The following PDXDC1 variants were observed in gnomAD, a reference collection of about 807,000 sequenced individuals.
PDXDC1 encodes the protein pyridoxal-dependent decarboxylase domain-containing protein 1.
In PDXDC1, 42 loss-of-function variants were observed where a neutral mutation model predicts 100.1. The observed-to-expected ratio is 0.42, with a 90% CI of 0.33 to 0.54. PDXDC1 has a LOEUF of 0.54. PDXDC1 is among the 20% of genes least tolerant of loss of function. The pLI is 0.10. For synonymous variants in PDXDC1, 260 were observed against 371.7 expected, an observed-to-expected ratio of 0.70 and a Z score of 3.46; for missense variants, 636 against 979.2, an observed-to-expected ratio of 0.65 and a Z score of 4.68.
intron 16 of PDXDC1, chr16:15,071,200 T>G: frequency 6.2e-7 from 1 of 1,611,216 alleles, no homozygotes; most frequent in Non-Finnish European, 8.5e-7. Flanking sequence ...GCAGGATTAC[T>G]TGGGTCCTGC....
At chr16:15,032,650 CT>C in intron 17 of PDXDC1, 25 of 297,232 alleles carry the variant, frequency 8.4e-5, no homozygotes, top group East Asian at 1.7e-4. Flanking sequence ...TGAGACCCTG[CT>C]TTAAAAAAAA....
rs532080519 is a variant in PDXDC1 at position 15,085,722 on chromosome 16, G to A, written c.1400-53157G>A. On this transcript the variant is annotated intron_variant, in intron 16 of 16. Transcript: ENST00000535621. ...GGCTTTTGAGGGAAAAAGAAAATAT[G>A]TTATTCTGTCATTGATCTAGACAAT... The A allele has an allele frequency of 6.5e-5, 104 of 1,612,306 alleles. 2 individuals are homozygous for A. In the South Asian group the frequency reaches 1.0e-3, roughly 16 times the overall value.
intron 16 of PDXDC1, chr16:15,085,759 C>T (rs1203599733): frequency 4.4e-6 from 7 of 1,601,404 alleles, no homozygotes; most frequent in Non-Finnish European, 5.1e-6. Flanking sequence ...AATGGCTATA[C>T]AAAAAAAGTT....
At chr16:15,104,750 C>T (rs2046728408) in intron 16 of PDXDC1, 26 of 1,596,862 alleles carry the variant, frequency 1.6e-5, no homozygotes, top group Non-Finnish European at 2.0e-5. Flanking sequence ...CCGCTGCCGC[C>T]ATTCTGACCT....
Position 15,131,588 on chromosome 16 carries a change from G to A in PDXDC1, c.1400-7291G>A, listed in dbSNP as rs991264683. On this transcript the variant is annotated intron_variant, in intron 16 of 16. Coordinates refer to the PDXDC1 transcript ENST00000535621. ...AGCACGCGGGAGCGCGTGAGGATGC[G>A]CATGAGGGCAGAGGTCAGGTTGTAG... The A allele has an allele frequency of 1.2e-4, 193 of 1,605,070 alleles. 1 individual carries two copies. Among genetic ancestry groups the A allele is most frequent in the Admixed American group, 6.3e-4 (38 of 59,890 alleles).
chr16:15,096,153 G>T, intron 16 of PDXDC1, among the ~76,000 whole-genome samples: 1 of 151,662 alleles, frequency 6.6e-6, no homozygotes, highest in East Asian at 1.9e-4. Context: ...CTGTCACCCA[G>T]GCTGGAGTAC....
At chr16:15,012,272 T>G (rs2041368669) in intron 8 of PDXDC1, among the ~76,000 whole-genome samples, 1 of 151,750 alleles carries the variant, frequency 6.6e-6, no homozygotes, top group African/African-American at 2.4e-5. Context: ...CCTAGCTAGT[T>G]TTTTGTATTT....
chr16:15,015,164 A>G (rs534845332), intron 8 of PDXDC1, among the ~76,000 whole-genome samples: 2 of 152,352 alleles, frequency 1.3e-5, no homozygotes, highest in South Asian at 2.1e-4. Flanking sequence ...GATGGTCTCC[A>G]TCTCCTGACC....
intron 16 of PDXDC1, chr16:15,086,392 G>A: frequency 1.2e-6 from 2 of 1,613,744 alleles, no homozygotes; most frequent in Non-Finnish European, 1.7e-6. Flanking sequence ...GTTGCTCAAA[G>A]TCTTTTGTCA....
intron 16 of PDXDC1, chr16:15,046,112 G>A (rs1713315277): frequency 6.6e-6 from 1 of 152,280 alleles, no homozygotes; most frequent in Non-Finnish European, 1.5e-5. Context: ...TCCCCCTGCG[G>A]GGGCCAAGAT....
At chr16:14,998,499 CAG>C (rs1972480137) in intron 3 of PDXDC1, 94 bp downstream of exon 3, 1 of 1,391,844 alleles carries the variant, frequency 7.2e-7, no homozygotes, top group African/African-American at 1.5e-5. Context: ...GGATGGTGTG[CAG>C]TGGCACAATC....
chr16:15,004,494 T>C (rs1226426999), intron 5 of PDXDC1, among the ~76,000 whole-genome samples, 161 bp downstream of exon 5: 3 of 152,294 alleles, frequency 2.0e-5, no homozygotes, highest in African/African-American at 7.2e-5. Context: ...ATGGGGATAG[T>C]ATTAATACCT....
intron 8 of PDXDC1, chr16:15,010,416 C>T (rs935906058): frequency 6.5e-6 from 1 of 154,744 alleles, no homozygotes; most frequent in African/African-American, 2.4e-5. Flanking sequence ...ACTCAGGAGA[C>T]AAGCAAGATG....
intron 16 of PDXDC1, chr16:15,122,032 C>T: frequency 3.5e-6 from 1 of 283,912 alleles, no homozygotes; most frequent in Non-Finnish European, 6.9e-6. Flanking sequence ...CAAAAATTAG[C>T]CAGGCGTTGT....
At chr16:15,054,406 CTTTCTATCACGGACAT>C (rs960456654) in intron 16 of PDXDC1, among the ~76,000 whole-genome samples, 4 of 152,210 alleles carry the variant, frequency 2.6e-5, no homozygotes, top group Non-Finnish European at 5.9e-5. Flanking sequence ...ACCCATCTAA[CTTTCTATCACGGACAT>C]TTTCAAACAG....
chr16:15,094,269 G>T lies in PDXDC1; in HGVS notation c.1400-44610G>T, dbSNP rs564636219. 8.7e-6 allele frequency: 13 copies of T among 1,487,400 alleles called. No individual in the cohort carries two copies. The African/African-American group carries it at 1.8e-4, about 21-fold the overall frequency. The allele number at this position is 1,487,400 out of a possible 1,614,324, so 92.1% of individuals were successfully genotyped here. A position where few individuals can be genotyped will look rare whatever the true frequency, so the allele number is the denominator to read the frequency against. ...TAACGCGACCGCTGCGCCTCAGGCC[G>T]GATGCCCAGCTCCTTCCAGCCACAG... On this transcript the variant is annotated intron_variant, in intron 16 of 16. Transcript: ENST00000535621.
Position 15,006,513 on chromosome 16 carries a change from A to G in PDXDC1, c.509A>G (p.Tyr170Cys), listed in dbSNP as rs868204154. The G allele has an allele frequency of 6.2e-7, 1 of 1,608,594 alleles. No individual in the cohort carries two copies. Among genetic ancestry groups the G allele is most frequent in the South Asian group, 1.1e-5 (1 of 90,684 alleles). The change falls in exon 6 of 23, where the codon TAT (tyrosine) becomes TGT (cysteine). Residue 170 changes from tyrosine (Y) to cysteine (C), a missense_variant. Tyr to Cys is a radical substitution (Grantham distance 194). This residue lies in a region of PDXDC1 where 125 missense variants were observed against 479.9 expected (regional missense o/e 0.26). Coordinates refer to ENST00000396410, the MANE Select transcript of PDXDC1 (RefSeq NM_015027.4). ...GTAGTGGATGGCTTCAATGTGTTATATAACAAGAAGCCTGTCATATATCTT... is the reference window on the plus strand; with the variant it reads ...GTAGTGGATGGCTTCAATGTGTTATGTAACAAGAAGCCTGTCATATATCTT... ...DFVVDGFNVL[Y>C]NKKPVIYLSA... is the part of the protein sequence containing the mutation.
intron 16 of PDXDC1, among the ~76,000 whole-genome samples, chr16:15,054,799 T>C (rs1277089803): frequency 2.0e-5 from 3 of 152,176 alleles, no homozygotes; most frequent in Non-Finnish European, 4.4e-5. Flanking sequence ...CTTATCTGCC[T>C]TCAGGAGGCT....
intron 15 of PDXDC1, chr16:15,029,725 T>G: frequency 1.7e-6 from 1 of 575,852 alleles, no homozygotes; most frequent in Non-Finnish European, 3.1e-6. Context: ...TTCTTCTTTT[T>G]GTTTACTTGT....
Sources: allele counts gnomAD v4.1 joint callset (sites outside exome capture counted in the v4.1 genomes callset), GRCh38; gene constraint gnomAD v4.1.1; regional missense constraint gnomAD v4.1.1; transcripts MANE v1.5; gene names NCBI Gene and HGNC (gene_info 2026-07-23, HGNC 2026-07-21).